SOS1: variants seen among roughly 807,000 people sequenced by gnomAD.
SOS1 encodes the protein son of sevenless homolog 1.
Under a neutral mutation model 157.6 loss-of-function variants are expected in SOS1, and 25 were observed. The observed-to-expected ratio is 0.16, with a 90% confidence interval of 0.12 to 0.22. The LOEUF is 0.22. SOS1 is among the 10% of genes least tolerant of loss of function. The probability of loss-of-function intolerance (pLI) is 1.00; values close to 1 mark genes in which losing one functional copy is unlikely to be tolerated. For missense variants in SOS1, 1,237 were observed against 1,599.1 expected, an observed-to-expected ratio of 0.77 and a Z score of 3.86; for synonymous variants, 528 against 534.0, an observed-to-expected ratio of 0.99 and a Z score of 0.16.
chr2:39,081,376 C>T (rs540627809), intron 1 of SOS1, among the ~76,000 whole-genome samples: 63 of 151,448 alleles, frequency 4.2e-4, no homozygotes, highest in Middle Eastern at 3.5e-3. Context: ...AAAAATTAGC[C>T]GGCCATGGCA....
At chr2:39,070,017 A>G (rs1671742927) in intron 1 of SOS1, among the ~76,000 whole-genome samples, 1 of 152,190 alleles carries the variant, frequency 6.6e-6, no homozygotes, top group Non-Finnish European at 1.5e-5. Context: ...TACAGTTAAA[A>G]TAATAGACAG....
intron 1 of SOS1, among the ~76,000 whole-genome samples, chr2:39,119,821 G>A (rs1431736875): frequency 1.3e-5 from 2 of 152,172 alleles, no homozygotes; most frequent in African/African-American, 2.4e-5. Context: ...AGGAGCGGGG[G>A]AAACCAGGAG....
intron 20 of SOS1, among the ~76,000 whole-genome samples, chr2:38,990,072 G>T (rs1558457289): frequency 6.6e-6 from 1 of 151,908 alleles, no homozygotes; most frequent in Non-Finnish European, 1.5e-5. Context: ...TGTTTGTACA[G>T]TGTCTCATAT....
At chr2:39,061,967 C>A (rs956401254) in intron 2 of SOS1, among the ~76,000 whole-genome samples, 3 of 148,098 alleles carry the variant, frequency 2.0e-5, no homozygotes, top group African/African-American at 7.4e-5. Context: ...TATTCTAGGT[C>A]CTATATAAAT....
intron 17 of SOS1, among the ~76,000 whole-genome samples, chr2:39,002,412 T>C (rs534026902): frequency 7.2e-5 from 11 of 152,228 alleles, no homozygotes; most frequent in African/African-American, 2.4e-4. Context: ...TATAAATAAA[T>C]ACCAACCATT....
intron 1 of SOS1, among the ~76,000 whole-genome samples, chr2:39,106,312 C>T (rs1397096783): frequency 6.6e-6 from 1 of 152,018 alleles, no homozygotes; most frequent in African/African-American, 2.4e-5. Flanking sequence ...TCTGAGTGGC[C>T]GGGCGCGGTG....
chr2:39,042,780 T>G (rs771447639), intron 6 of SOS1, among the ~76,000 whole-genome samples: 14 of 151,740 alleles, frequency 9.2e-5, no homozygotes, highest in Non-Finnish European at 2.1e-4. Context: ...TTCCAGGTAC[T>G]TTATGGTCTT....
intron 2 of SOS1, 146 bp from the exon 3 acceptor site, chr2:39,058,950 G>A: frequency 3.1e-6 from 2 of 654,818 alleles, no homozygotes; most frequent in Non-Finnish European, 5.2e-6. Context: ...GAAGCTAAGA[G>A]AAAACAGTAA....
upstream of SOS1, among the ~76,000 whole-genome samples, chr2:39,121,339 G>C (rs1673888382): frequency 6.6e-6 from 1 of 152,168 alleles, no homozygotes; most frequent in African/African-American, 2.4e-5. Context: ...CCTTCGTTTC[G>C]GAAAGGGGTG....
chr2:39,055,660 A>T (rs1479986745), intron 4 of SOS1, among the ~76,000 whole-genome samples: 2 of 152,218 alleles, frequency 1.3e-5, no homozygotes, highest in African/African-American at 4.8e-5. Flanking sequence ...TGGAATCAGC[A>T]ATCAGAAATA....
At position 39,081,866 on chromosome 2, in the gene SOS1, A is replaced by G. The variant is rs144605492; in HGVS notation, c.88-14113T>C. ...ATTAAATTAATAAATATTGGTAAAT[A>G]TTTTTATAAAAACTTGCTTATTCAA... On this transcript the variant is annotated intron_variant, in intron 1 of 22. Coordinates refer to ENST00000402219, the MANE Select transcript of SOS1 (RefSeq NM_005633.4). Among the ~76,000 whole-genome samples, 140 of 152,284 alleles carry G rather than the reference A, an allele frequency of 9.2e-4. 5 individuals are homozygous for G. In the East Asian group the frequency reaches 0.021, roughly 23 times the overall value.
chr2:39,107,538 T>TC (rs1425026000), intron 1 of SOS1, among the ~76,000 whole-genome samples: 2 of 151,604 alleles, frequency 1.3e-5, no homozygotes, highest in Non-Finnish European at 2.9e-5. Flanking sequence ...TCCTTCCTTT[T>TC]CCCCCCTCAC....
rs1668495884 is a variant in SOS1 at position 38,984,541 on chromosome 2, C to T, written c.*1283G>A. 6.6e-6 allele frequency: 1 copy of T among 152,130 alleles called. No individual in the cohort carries two copies. Among genetic ancestry groups the T allele is most frequent in the Non-Finnish European group, 1.5e-5 (1 of 68,020 alleles). 9.4% of individuals were successfully genotyped at this position (152,130 alleles called of 1,614,324 possible). ...TAAAAGATACCCATCCTATTCTAAC[C>T]AAGTATCTTCCTATATGCCAAGCTG... is the stretch of plus-strand genomic sequence containing the variant. On this transcript the variant is annotated 3_prime_UTR_variant, in exon 23 of 23. Coordinates refer to ENST00000402219, the MANE Select transcript of SOS1 (RefSeq NM_005633.4).
chr2:39,104,342 T>C (rs1369819808), intron 1 of SOS1, among the ~76,000 whole-genome samples: 2 of 152,086 alleles, frequency 1.3e-5, no homozygotes, highest in Non-Finnish European at 2.9e-5. Context: ...GACATTTCTA[T>C]AAAGACATAC....
intron 8 of SOS1, among the ~76,000 whole-genome samples, chr2:39,026,442 G>T (rs1669967796): frequency 6.6e-6 from 1 of 151,132 alleles, no homozygotes; most frequent in South Asian, 2.1e-4. Flanking sequence ...CAAAGGATAA[G>T]AGACTTTAAA....
chr2:39,036,652 C>T (rs1670362849), intron 6 of SOS1, among the ~76,000 whole-genome samples: 1 of 152,178 alleles, frequency 6.6e-6, no homozygotes. Flanking sequence ...CGGCTCACTG[C>T]AAGCTCCGCC....
At position 38,982,309 on chromosome 2, in the gene SOS1, C is replaced by T. The variant is rs569815734; in HGVS notation, c.*3515G>A. The T allele has an allele frequency of 2.4e-4, 37 of 152,232 alleles. No individual in the cohort carries two copies. The highest frequency in any genetic ancestry group is 8.9e-4 in the African/African-American group (37 of 41,542). 9.4% of individuals were successfully genotyped at this position (152,232 alleles called of 1,614,324 possible). A position where few individuals can be genotyped will look rare whatever the true frequency, so the allele number is the denominator to read the frequency against. Reference sequence around the variant, plus strand: ...GATTTATAATATAGACTTCATGCTTCTTAAGTAGAGCTCAAAATATTTCAT... The same window carrying T: ...GATTTATAATATAGACTTCATGCTTTTTAAGTAGAGCTCAAAATATTTCAT... On this transcript the variant is annotated 3_prime_UTR_variant, in exon 23 of 23. Coordinates refer to ENST00000402219, the MANE Select transcript of SOS1 (RefSeq NM_005633.4).
intron 1 of SOS1, among the ~76,000 whole-genome samples, chr2:39,102,399 C>T (rs953075291): frequency 8.7e-5 from 13 of 149,896 alleles, no homozygotes; most frequent in African/African-American, 2.9e-4. Context: ...GTGGTACACA[C>T]TTGTAGTCCT....
intron 15 of SOS1, 74 bp downstream of exon 15, chr2:39,010,506 AAAAC>A (rs1375705717): frequency 7.8e-5 from 111 of 1,430,430 alleles, no homozygotes; most frequent in Non-Finnish European, 8.9e-5. Context: ...CGTCTCAAAA[AAAAC>A]AAACAAAAAA....
Sources: gnomAD v4.1 joint callset for allele counts (sites outside exome capture counted in the v4.1 genomes callset) on GRCh38, gnomAD v4.1.1 for gene constraint, MANE v1.5 for transcripts, NCBI Gene and HGNC (gene_info 2026-07-23, HGNC 2026-07-21) for gene names.